The following OGDH variants were observed in gnomAD, a reference collection of about 807,000 sequenced individuals.
OGDH encodes the protein oxoglutarate dehydrogenase.
OGDH carries 38 observed loss-of-function variants against 116.6 expected under a neutral mutation model. The ratio of observed to expected loss-of-function variants is 0.33; its 90% CI spans 0.25 to 0.43. The LOEUF is 0.43. Ranked by LOEUF, OGDH falls within the 20% of genes least tolerant of loss-of-function variation. The pLI is 1.00. For synonymous variants in OGDH, 488 were observed against 533.3 expected, an observed-to-expected ratio of 0.92 and a Z score of 1.17; for missense variants, 825 against 1,357.2, an observed-to-expected ratio of 0.61 and a Z score of 6.16.
intron 9 of OGDH, 88 bp from the exon 10 acceptor site, chr7:44,681,632 G>T (rs1787933486): frequency 4.1e-5 from 62 of 1,510,310 alleles, no homozygotes; most frequent in Non-Finnish European, 4.9e-5. Context: ...GTTATTTTTT[G>T]AAAAACAAAT....
intron 4 of OGDH, among the ~76,000 whole-genome samples, chr7:44,659,302 G>T (rs751027415): frequency 1.3e-5 from 2 of 152,118 alleles, no homozygotes; most frequent in Admixed American, 6.5e-5. Flanking sequence ...ATATGTCTTT[G>T]TATCTGTCTC....
At chr7:44,664,010 GTCA>G (rs572527154) in intron 4 of OGDH, among the ~76,000 whole-genome samples, 276 of 152,108 alleles carry the variant, frequency 1.8e-3, no homozygotes, top group Admixed American at 8.6e-3. Context: ...TAACATATTG[GTCA>G]TCATGGTGTT....
chr7:44,657,132 T>C (rs1283066132), intron 4 of OGDH, among the ~76,000 whole-genome samples: 5 of 152,210 alleles, frequency 3.3e-5, no homozygotes, highest in Non-Finnish European at 5.9e-5. Context: ...AGTGGTAACA[T>C]CTTGAAAAGC....
intron 1 of OGDH, among the ~76,000 whole-genome samples, chr7:44,616,411 G>A (rs749218946): frequency 1.3e-4 from 20 of 152,036 alleles, no homozygotes; most frequent in Non-Finnish European, 2.5e-4. Flanking sequence ...TGATCAGGGA[G>A]GTGTCAGTCC....
chr7:44,634,555 T>TA (rs1157742381), intron 2 of OGDH, among the ~76,000 whole-genome samples: 1 of 152,238 alleles, frequency 6.6e-6, no homozygotes, highest in East Asian at 1.9e-4. Context: ...AGACAGAAGA[T>TA]AATAGAGATT....
chr7:44,620,452 A>G (rs1784968369), intron 1 of OGDH, among the ~76,000 whole-genome samples: 2 of 152,248 alleles, frequency 1.3e-5, no homozygotes, highest in African/African-American at 4.8e-5. Context: ...TAAAACTTCT[A>G]AGTATCTTAT....
chr7:44,707,497 C>G lies in OGDH; in HGVS notation c.2797-85C>G. 1 of 1,596,028 alleles carries G rather than the reference C, an allele frequency of 6.3e-7. No homozygotes were observed. Among genetic ancestry groups the G allele is most frequent in the Non-Finnish European group, 8.5e-7 (1 of 1,170,264 alleles). On this transcript the variant is annotated intron_variant, in intron 21 of 22. Coordinates refer to ENST00000222673, the MANE Select transcript of OGDH (RefSeq NM_002541.4). This position sits in a 1 kb window ranked among gnomAD's most constrained non-coding sequence, Gnocchi z 5.2. ...GTGGCCCTCAGGTTCCTGACCTTCC[C>G]TGCTCGGAACACCAGTTTCCCTTTG...
intron 6 of OGDH, 141 bp from the exon 7 acceptor site, chr7:44,674,270 C>T: frequency 2.0e-6 from 2 of 977,176 alleles, no homozygotes; most frequent in Non-Finnish European, 3.1e-6. Flanking sequence ...GTCTCGAACT[C>T]CTGACCTCAG....
intron 10 of OGDH, among the ~76,000 whole-genome samples, chr7:44,682,262 G>A (rs144423007): frequency 1.3e-3 from 194 of 152,158 alleles, no homozygotes; most frequent in African/African-American, 4.2e-3. Context: ...TCACATGCCT[G>A]TGATCCCAGC....
rs541651345 is a variant in OGDH at position 44,676,132 on chromosome 7, G to A, written c.1189G>A (p.Asp397Asn). 8 of 1,614,120 alleles carry A rather than the reference G, an allele frequency of 5.0e-6. No individual in the cohort carries two copies. The highest frequency in any genetic ancestry group is 2.2e-5 in the East Asian group (1 of 44,880). Reference protein sequence around the residue: ...KTKAEQFYCGDTEGKKVMSIL... With the variant: ...KTKAEQFYCGNTEGKKVMSIL... Reference sequence around the variant, plus strand: ...CAAAGCCGAACAGTTTTACTGTGGCGACACTGAAGGGAAAAAGGTAAGGCC... The same window carrying A: ...CAAAGCCGAACAGTTTTACTGTGGCAACACTGAAGGGAAAAAGGTAAGGCC... Residue 397 changes from aspartate to asparagine, a missense_variant, in exon 9 of 23, where the codon GAC (aspartate) becomes AAC (asparagine). Asp to Asn is a conservative substitution (Grantham distance 23). Around this residue, in one of 7 missense-constraint regions of OGDH, gnomAD observed 146 missense variants for 317.3 expected, o/e 0.46. Transcript: ENST00000222673.
At chr7:44,620,105 C>CT (rs1234397190) in intron 1 of OGDH, among the ~76,000 whole-genome samples, 3 of 152,188 alleles carry the variant, frequency 2.0e-5, no homozygotes, top group African/African-American at 7.2e-5. Context: ...ACTGCAACCT[C>CT]TGTCTCCTGG....
At chr7:44,706,323 A>ATT (rs111830281) in intron 20 of OGDH, among the ~76,000 whole-genome samples, 3 of 142,448 alleles carry the variant, frequency 2.1e-5, no homozygotes, top group Admixed American at 7.1e-5. Flanking sequence ...TTTTTATATA[A>ATT]TTTTTTTTTT....
rs372618384 is a variant in OGDH at position 44,636,967 on chromosome 7, C to T, written c.223-8360C>T. On this transcript the variant is annotated intron_variant, in intron 2 of 22. Coordinates refer to ENST00000222673, the MANE Select transcript of OGDH (RefSeq NM_002541.4). ...ACAAGCTCCCTGCCTGCGAACCACC[C>T]CTCCCTCTGATGCCATTTGGTGGCA... 1.3e-4 allele frequency among the ~76,000 whole-genome samples: 20 copies of T among 152,192 alleles called. 2 individuals are homozygous for T. In the East Asian group the frequency reaches 1.7e-3, roughly 13 times the overall value.
At chr7:44,657,786 C>G (rs182632728) in intron 4 of OGDH, among the ~76,000 whole-genome samples, 26 of 152,288 alleles carry the variant, frequency 1.7e-4, no homozygotes, top group Non-Finnish European at 3.1e-4. Flanking sequence ...AATCTATCAT[C>G]CATTTTGTGT....
intron 8 of OGDH, 67 bp from the exon 9 acceptor site, chr7:44,675,903 A>T: frequency 6.5e-7 from 1 of 1,547,838 alleles, no homozygotes; most frequent in East Asian, 2.3e-5. Flanking sequence ...ATTCCCGTAT[A>T]AAAGGGCTCT....
chr7:44,688,096 C>A (rs1350060211), intron 10 of OGDH, among the ~76,000 whole-genome samples: 1 of 152,032 alleles, frequency 6.6e-6, no homozygotes, highest in African/African-American at 2.4e-5. Flanking sequence ...GTGGGCTGGG[C>A]ATGGTGGCTC....
chr7:44,610,928 G>A (rs927610211), intron 1 of OGDH, among the ~76,000 whole-genome samples: 1 of 152,028 alleles, frequency 6.6e-6, no homozygotes, highest in Non-Finnish European at 1.5e-5. Flanking sequence ...TTCTTAACGG[G>A]GTCTTTTGCA....
chr7:44,639,560 T>C (rs1268025484), intron 2 of OGDH, among the ~76,000 whole-genome samples: 3 of 152,230 alleles, frequency 2.0e-5, no homozygotes, highest in Non-Finnish European at 4.4e-5. Flanking sequence ...TTCACTTGTT[T>C]TAAGTGTTTA....
At chr7:44,629,736 C>G (rs150238237) in intron 2 of OGDH, among the ~76,000 whole-genome samples, 1 of 151,906 alleles carries the variant, frequency 6.6e-6, no homozygotes, top group African/African-American at 2.4e-5. Context: ...TGCCCCATCA[C>G]GCCTGGCTAA....
Sources: allele counts gnomAD v4.1 joint callset (sites outside exome capture counted in the v4.1 genomes callset), GRCh38; gene constraint gnomAD v4.1.1; regional missense constraint gnomAD v4.1.1; non-coding constraint Gnocchi (gnomAD v3.1); transcripts MANE v1.5; gene names NCBI Gene and HGNC (gene_info 2026-07-23, HGNC 2026-07-21).